The following PTPRN2 variants were observed in gnomAD, a reference collection of about 807,000 sequenced individuals.
The protein encoded by PTPRN2 is protein tyrosine phosphatase receptor type N2, also known as receptor-type tyrosine-protein phosphatase N2.
PTPRN2 carries 74 observed loss-of-function variants against 118.8 expected under a neutral mutation model. That is an observed-to-expected ratio of 0.62 (90% CI 0.52 to 0.76). PTPRN2 has a LOEUF of 0.76. PTPRN2 is among the 30% of genes least tolerant of loss of function. The pLI is 0.00. For synonymous variants in PTPRN2, 641 were observed against 608.0 expected, an observed-to-expected ratio of 1.05 and a Z score of -0.80; for missense variants, 1,481 against 1,394.4, an observed-to-expected ratio of 1.06 and a Z score of -0.99.
chr7:157,664,184 A>G (rs1400112400), intron 13 of PTPRN2, among the ~76,000 whole-genome samples: 1 of 152,242 alleles, frequency 6.6e-6, no homozygotes, highest in African/African-American at 2.4e-5. Flanking sequence ...AGGCAGTCGC[A>G]TCCACGGTGC....
rs546584042 is a variant in PTPRN2, at chr7:158,310,858, C to T, written c.277+5961G>A. Among the ~76,000 whole-genome samples the T allele has an allele frequency of 3.7e-3, 213 of 57,076 alleles. 27 individuals carry two copies. The highest frequency in any genetic ancestry group is 0.011 in the African/African-American group (198 of 17,694). The allele number at this position is 57,076 out of a possible 152,430, so 37.4% of individuals were successfully genotyped here. On this transcript the variant is annotated intron_variant, in intron 3 of 22. Coordinates refer to ENST00000389418, the MANE Select transcript of PTPRN2 (RefSeq NM_002847.5). ...GACAGAGCGCAAATCCCACGGAGGG[C>T]GAGCCCTGAGCCTGACAGAGCGCGA...
At chr7:157,983,567 G>T (rs1003584949) in intron 11 of PTPRN2, among the ~76,000 whole-genome samples, 1 of 151,966 alleles carries the variant, frequency 6.6e-6, no homozygotes, top group African/African-American at 2.4e-5. Context: ...TCAGGGCTGT[G>T]GCCTCCCCCG....
At chr7:158,541,456 G>C (rs531322450) in intron 1 of PTPRN2, 1 of 1,351,938 alleles carries the variant, frequency 7.4e-7, no homozygotes, top group African/African-American at 1.5e-5. Context: ...CACTGCCACC[G>C]AGGGTCCACT....
At chr7:158,417,799 A>G (rs1814841131) in intron 2 of PTPRN2, among the ~76,000 whole-genome samples, 1 of 133,012 alleles carries the variant, frequency 7.5e-6, no homozygotes, top group Non-Finnish European at 1.6e-5. Flanking sequence ...TACTACATCG[A>G]GATGCTCTAG....
intron 2 of PTPRN2, among the ~76,000 whole-genome samples, chr7:158,373,337 G>C (rs928929486): frequency 3.3e-4 from 50 of 152,000 alleles, no homozygotes; most frequent in African/African-American, 1.2e-3. Flanking sequence ...TTTGCTAAAA[G>C]GTTGAAGGCA....
chr7:158,503,441 A>G (rs2129446511), intron 1 of PTPRN2, among the ~76,000 whole-genome samples: 1 of 152,332 alleles, frequency 6.6e-6, no homozygotes, highest in East Asian at 1.9e-4. Flanking sequence ...AAAGCAGAAG[A>G]GGTGGATGGA....
At chr7:157,557,552 CCA>C (rs56360906) in intron 21 of PTPRN2, among the ~76,000 whole-genome samples, 21 of 149,730 alleles carry the variant, frequency 1.4e-4, no homozygotes, top group South Asian at 6.4e-4. Flanking sequence ...ACACACACTC[CCA>C]CACACACACA....
At position 157,764,743 on chromosome 7, in the gene PTPRN2, T is replaced by A. The variant is rs1177693202; in HGVS notation, c.1789-81806A>T. 6.6e-6 allele frequency among the ~76,000 whole-genome samples: 1 copy of A among 152,090 alleles called. No homozygotes were observed. The highest frequency in any genetic ancestry group is 1.5e-5 in the Non-Finnish European group (1 of 68,002). ...TTATATATTTTACCACAATAAAAAA[T>A]TAAAAAATAAAAGAGTGAGAGACTG... On this transcript the variant is annotated intron_variant, in intron 12 of 22. Coordinates refer to ENST00000389418, the MANE Select transcript of PTPRN2 (RefSeq NM_002847.5). This position sits in a 1 kb window ranked among gnomAD's most constrained non-coding sequence, Gnocchi z 4.5.
At chr7:158,507,778 G>A (rs1822867712) in intron 1 of PTPRN2, among the ~76,000 whole-genome samples, 1 of 151,746 alleles carries the variant, frequency 6.6e-6, no homozygotes, top group African/African-American at 2.4e-5. Flanking sequence ...AGAGGTCAGT[G>A]AGGACCATCC....
intron 2 of PTPRN2, among the ~76,000 whole-genome samples, chr7:158,411,405 C>G (rs1814076554): frequency 6.6e-6 from 1 of 152,218 alleles, no homozygotes; most frequent in Non-Finnish European, 1.5e-5. Flanking sequence ...GCTCCTTCAG[C>G]AGCCTCTGGG....
intron 2 of PTPRN2, among the ~76,000 whole-genome samples, chr7:158,378,963 A>G (rs1034985957): frequency 6.6e-6 from 1 of 152,304 alleles, no homozygotes; most frequent in Admixed American, 6.5e-5. Context: ...TTTGTTATTA[A>G]TAAGTATTTA....
chr7:158,188,593 CT>C (rs1387182032), intron 5 of PTPRN2, among the ~76,000 whole-genome samples: 2 of 94,148 alleles, frequency 2.1e-5, no homozygotes, highest in African/African-American at 8.1e-5. Flanking sequence ...CGCTCGCCCC[CT>C]GATGGGGAAG....
At position 157,953,734 on chromosome 7, in the gene PTPRN2, G is replaced by C. The variant is rs1800981617; in HGVS notation, c.1724-54997C>G. Among the ~76,000 whole-genome samples the C allele has an allele frequency of 6.6e-6, 1 of 152,138 alleles. No homozygotes were observed. The highest frequency in any genetic ancestry group is 2.4e-5 in the African/African-American group (1 of 41,424). ...GCCAAGTCTGAGGACTCAGACCCGG[G>C]GCAGCTGGTGGAAGCTGGGGTTAAG... On this transcript the variant is annotated intron_variant, in intron 11 of 22. Transcript: ENST00000389418. The surrounding 1 kb of genome is among the most constrained non-coding windows in gnomAD (Gnocchi z 4.6).
chr7:157,803,634 CG>C (rs1805455597), intron 12 of PTPRN2, among the ~76,000 whole-genome samples: 1 of 152,142 alleles, frequency 6.6e-6, no homozygotes, highest in African/African-American at 2.4e-5. Flanking sequence ...GGTCCGATGC[CG>C]TTCTTTTGCA....
chr7:157,960,288 T>C (rs1005801191), intron 11 of PTPRN2, among the ~76,000 whole-genome samples: 14 of 152,260 alleles, frequency 9.2e-5, no homozygotes, highest in African/African-American at 3.4e-4. Context: ...ATGTACTTAA[T>C]GCCACTGAAT....
chr7:158,337,035 C>A (rs749848451), intron 2 of PTPRN2, among the ~76,000 whole-genome samples: 1 of 88,346 alleles, frequency 1.1e-5, no homozygotes, highest in Non-Finnish European at 2.6e-5. Flanking sequence ...CACCCACAGA[C>A]ATCACTCACA....
intron 2 of PTPRN2, among the ~76,000 whole-genome samples, chr7:158,453,874 C>T (rs1251726607): frequency 6.6e-6 from 1 of 152,112 alleles, no homozygotes; most frequent in Non-Finnish European, 1.5e-5. Context: ...TGGGGACAGA[C>T]AAGACACAAT....
At chr7:158,086,938 C>T (rs570597249) in intron 10 of PTPRN2, among the ~76,000 whole-genome samples, 24 of 152,322 alleles carry the variant, frequency 1.6e-4, no homozygotes, top group Middle Eastern at 3.4e-3. Flanking sequence ...GATGGGAGCA[C>T]TGGAGCTTAC....
intron 5 of PTPRN2, among the ~76,000 whole-genome samples, chr7:158,175,338 C>T (rs1181045300): frequency 3.3e-5 from 5 of 152,286 alleles, no homozygotes; most frequent in East Asian, 1.9e-4. Flanking sequence ...GAGGTGGGAA[C>T]GCTGCAGCTC....
Sources: allele counts gnomAD v4.1 joint callset (sites outside exome capture counted in the v4.1 genomes callset), GRCh38; gene constraint gnomAD v4.1.1; non-coding constraint Gnocchi (gnomAD v3.1); transcripts MANE v1.5; gene names NCBI Gene and HGNC (gene_info 2026-07-23, HGNC 2026-07-21).